The following CA11 variants were observed in gnomAD, a reference collection of about 807,000 sequenced individuals.
CA11 encodes carbonic anhydrase 11 (inactive).
CA11 carries 20 observed loss-of-function variants against 39.3 expected under a neutral mutation model. That is an observed-to-expected ratio of 0.51 (90% CI 0.36 to 0.74). CA11 has a LOEUF of 0.74. Among genes scored for constraint, CA11 ranks in the 30% least tolerant of loss-of-function variants. CA11 has a pLI of 0.00. For synonymous variants in CA11, 166 were observed against 172.5 expected, an observed-to-expected ratio of 0.96 and a Z score of 0.29; for missense variants, 336 against 424.6, an observed-to-expected ratio of 0.79 and a Z score of 1.83.
chr19:48,645,452 G>A lies in CA11; in HGVS notation c.93C>T (p.Pro31=), dbSNP rs371325088. The A allele has an allele frequency of 1.9e-6, 3 of 1,602,520 alleles. No homozygotes were observed. Among genetic ancestry groups the A allele is most frequent in the Non-Finnish European group, 2.6e-6 (3 of 1,174,112 alleles). ...AAAHIGPAPD[P]EDWWSYKDNL... ...TATCCTTGTAGCTCCACCAGTCCTC[G>A]GGGTCAGGTGCTGGTCCGATGTGAG... Residue 31 remains proline (P), a synonymous_variant, in exon 2 of 9, where the codon CCC becomes CCT. Coordinates refer to ENST00000084798, the MANE Select transcript of CA11 (RefSeq NM_001217.5).
In CA11 at chr19:48,645,695, C is replaced by A. The variant is rs1378553808; in HGVS notation, c.-63G>T. 6.0e-6 allele frequency: 8 copies of A among 1,334,654 alleles called. No individual in the cohort carries two copies. The highest frequency in any genetic ancestry group is 8.0e-6 in the Non-Finnish European group (8 of 1,001,008). The allele number at this position is 1,334,654 out of a possible 1,614,324, so 82.7% of individuals were successfully genotyped here. The stretch of plus-strand genomic sequence containing the variant: ...TGCCCCCCTCTCTCAGCTCCTCTGT[C>A]CCCTCCTTCTGGGACCCTGTCCCTC... On this transcript the variant is annotated 5_prime_UTR_variant, in exon 1 of 9. Coordinates refer to ENST00000084798, the MANE Select transcript of CA11 (RefSeq NM_001217.5).
intron 3 of CA11, 49 bp from the exon 4 acceptor site, chr19:48,640,329 T>C: frequency 1.5e-6 from 2 of 1,357,522 alleles, no homozygotes; most frequent in Non-Finnish European, 1.0e-6. Flanking sequence ...ATCTTTTATC[T>C]CTCGTTTCCC....
chr19:48,642,126 G>GGA (rs2031106566), intron 3 of CA11, among the ~76,000 whole-genome samples: 1 of 152,192 alleles, frequency 6.6e-6, no homozygotes, highest in Non-Finnish European at 1.5e-5. Flanking sequence ...AGTGAACAGA[G>GGA]GAGAGAGAGG....
chr19:48,644,233 T>C (rs2031175193), intron 3 of CA11, among the ~76,000 whole-genome samples, 194 bp downstream of exon 3: 1 of 152,152 alleles, frequency 6.6e-6, no homozygotes, highest in African/African-American at 2.4e-5. Flanking sequence ...TCTGCAGAGA[T>C]GGGGAGACTA....
At position 48,645,861 on chromosome 19, in the gene CA11, C is replaced by A. The variant is rs1242167390; in HGVS notation, c.-229G>T. The A allele has an allele frequency of 3.8e-6, 2 of 527,146 alleles. No individual in the cohort carries two copies. Among genetic ancestry groups the A allele is most frequent in the South Asian group, 2.8e-5 (1 of 36,212 alleles). 32.7% of individuals were successfully genotyped at this position (527,146 alleles called of 1,614,324 possible). ...CTGTGTCTTTCCTCTTTCCTCTGCTCTTTTCCCGGAACCCTCCAGTCTCCC... is the reference window on the plus strand; with the variant it reads ...CTGTGTCTTTCCTCTTTCCTCTGCTATTTTCCCGGAACCCTCCAGTCTCCC... On this transcript the variant is annotated 5_prime_UTR_variant, in exon 1 of 9. Transcript: ENST00000084798.
intron 7 of CA11, 85 bp downstream of exon 7, chr19:48,639,220 G>A (rs1291717377): frequency 1.3e-6 from 2 of 1,562,754 alleles, no homozygotes; most frequent in African/African-American, 1.4e-5. Context: ...TCTATGAGGA[G>A]AGGGAGGGCA....
At chr19:48,645,309 T>C in intron 2 of CA11, 94 bp downstream of exon 2, 1 of 1,124,694 alleles carries the variant, frequency 8.9e-7, no homozygotes, top group Non-Finnish European at 1.3e-6. Flanking sequence ...CTCCTGGTCC[T>C]GGGGGGGAGG....
At position 48,644,502 on chromosome 19, in the gene CA11, G is replaced by C; in HGVS notation, c.210C>G (p.Pro70=). ...SLCAVGKRQS[P]VDVELKRVLY... is the part of the protein sequence containing the mutation. ...GAACCCTCTTCAGCTCCACATCCAC[G>C]GGGCTCTGCCGCTTCCCCACAGCAC... The change falls in exon 3 of 9, where the codon CCC becomes CCG. Residue 70 remains proline, a synonymous_variant. Coordinates refer to ENST00000084798, the MANE Select transcript of CA11 (RefSeq NM_001217.5). 6.2e-7 allele frequency: 1 copy of C among 1,611,770 alleles called. No individual in the cohort carries two copies. Among genetic ancestry groups the C allele is most frequent in the East Asian group, 2.2e-5 (1 of 44,844 alleles).
At position 48,645,389 on chromosome 19, in the gene CA11, C is replaced by T. The variant is rs116709645; in HGVS notation, c.142+14G>A. On this transcript the variant is annotated intron_variant, in intron 2 of 8. Transcript: ENST00000084798. ...CGGGAGGGCCGGACTCCTGGGTCCCCGCCTTGGCGGCACCTGGCACGAAGT... is the reference window on the plus strand; with the variant it reads ...CGGGAGGGCCGGACTCCTGGGTCCCTGCCTTGGCGGCACCTGGCACGAAGT... 3.6e-4 allele frequency: 561 copies of T among 1,569,398 alleles called. 1 individual carries two copies. In the African/African-American group the frequency reaches 6.6e-3, roughly 18 times the overall value.
Position 48,640,333 on chromosome 19 carries a change from G to A in CA11, c.286-53C>T, listed in dbSNP as rs2031030422. ...GGCAGGGAGAGATCTTTTATCTCTC[G>A]TTTCCCACGCCTACATTTTCTGATT... On this transcript the variant is annotated intron_variant, in intron 3 of 8. Transcript: ENST00000084798. The A allele has an allele frequency of 5.9e-6, 7 of 1,183,074 alleles. 1 individual carries two copies. The highest frequency in any genetic ancestry group is 1.6e-5 in the African/African-American group (1 of 61,838). 73.3% of individuals were successfully genotyped at this position (1,183,074 alleles called of 1,614,324 possible). A position where few individuals can be genotyped will look rare whatever the true frequency, so the allele number is the denominator to read the frequency against.
At chr19:48,644,389 C>T (rs2031181499) in intron 3 of CA11, 38 bp downstream of exon 3, 2 of 1,519,946 alleles carry the variant, frequency 1.3e-6, no homozygotes, top group East Asian at 2.3e-5. Context: ...ATGCCCATCC[C>T]CAGTGGGTTC....
In CA11 at chr19:48,639,782, G is replaced by A. The variant is rs755006103; in HGVS notation, c.567+6C>T. On this transcript the variant is annotated splice_donor_region_variant and intron_variant, in intron 5 of 8. Coordinates refer to ENST00000084798, the MANE Select transcript of CA11 (RefSeq NM_001217.5). ...CTCCCTCCCTCTGAATCTCGCCTCCGCTCACGTTGACAAAGAGGCTGAGAA... is the reference window on the plus strand; with the variant it reads ...CTCCCTCCCTCTGAATCTCGCCTCCACTCACGTTGACAAAGAGGCTGAGAA... 5.0e-6 allele frequency: 8 copies of A among 1,613,084 alleles called. No individual in the cohort carries two copies. The highest frequency in any genetic ancestry group is 1.1e-5 in the South Asian group (1 of 91,040).
At chr19:48,638,322 G>A (rs1422052446) in intron 8 of CA11, 178 bp from the exon 9 acceptor site, 1 of 1,031,460 alleles carries the variant, frequency 9.7e-7, no homozygotes, top group Non-Finnish European at 1.2e-6. Context: ...ATAGGAGGGG[G>A]GAATCGGGAC....
rs1172725648 is a variant in CA11, at chr19:48,639,338, G to C, written c.762C>G (p.Leu254=). 5.6e-6 allele frequency: 9 copies of C among 1,613,738 alleles called. No individual in the cohort carries two copies. The highest frequency in any genetic ancestry group is 7.6e-6 in the Non-Finnish European group (9 of 1,179,944). The change falls in exon 7 of 9, where the codon CTC becomes CTG. Residue 254 remains leucine, a synonymous_variant. Coordinates refer to ENST00000084798, the MANE Select transcript of CA11 (RefSeq NM_001217.5). ...PPCSETVTWI[L]IDRALNITSL... is the part of the protein sequence containing the mutation. The stretch of plus-strand genomic sequence containing the variant: ...AGGTGATATTGAGGGCCCGGTCAAT[G>C]AGGATCCAGGTGACAGTCTCGGAGC...
chr19:48,638,158 A>C lies in CA11; in HGVS notation c.962-14T>G. On this transcript the variant is annotated splice_polypyrimidine_tract_variant and intron_variant, in intron 8 of 8. Coordinates refer to ENST00000084798, the MANE Select transcript of CA11 (RefSeq NM_001217.5). ...GGACACCATCCACTGTAAGACAGAGAACAACGGCAGGGGGCGTCAGTATAG... is the reference window on the plus strand; with the variant it reads ...GGACACCATCCACTGTAAGACAGAGCACAACGGCAGGGGGCGTCAGTATAG... 1 of 1,334,952 alleles carries C rather than the reference A, an allele frequency of 7.5e-7. No homozygotes were observed. Among genetic ancestry groups the C allele is most frequent in the Middle Eastern group, 2.0e-4 (1 of 5,050 alleles). The allele number at this position is 1,334,952 out of a possible 1,614,324, so 82.7% of individuals were successfully genotyped here.
In CA11 at chr19:48,640,364, AG is replaced by A; in HGVS notation, c.286-85del. On this transcript the variant is annotated intron_variant, in intron 3 of 8. Transcript: ENST00000084798. ...CACGCCTACATTTTCTGATTCCAAC[AG>A]TCTTTTTTTTTTTTTTTTTTTTTTT... 8.9e-6 allele frequency: 6 copies of A among 677,488 alleles called. No homozygotes were observed. The Admixed American group carries it at 1.9e-4, about 22-fold the overall frequency. The allele number at this position is 677,488 out of a possible 1,614,324, so 42.0% of individuals were successfully genotyped here. A position where few individuals can be genotyped will look rare whatever the true frequency, so the allele number is the denominator to read the frequency against.
chr19:48,641,781 A>C (rs1212928575), intron 3 of CA11, among the ~76,000 whole-genome samples: 1 of 149,698 alleles, frequency 6.7e-6, no homozygotes, highest in Non-Finnish European at 1.5e-5. Flanking sequence ...AGTAGCTGGG[A>C]CCACAGTCAC....
intron 8 of CA11, 27 bp from the exon 9 acceptor site, chr19:48,638,171 G>T (rs1402938036): frequency 1.5e-6 from 2 of 1,322,564 alleles, no homozygotes; most frequent in African/African-American, 3.1e-5. Flanking sequence ...AACGGCAGGG[G>T]GCGTCAGTAT....
At chr19:48,638,310 C>T (rs1337411630) in intron 8 of CA11, 166 bp from the exon 9 acceptor site, 1 of 1,151,214 alleles carries the variant, frequency 8.7e-7, no homozygotes. Flanking sequence ...CACAAGAAGC[C>T]AATAGGAGGG....
Sources: gnomAD v4.1 joint callset for allele counts (sites outside exome capture counted in the v4.1 genomes callset) on GRCh38, gnomAD v4.1.1 for gene constraint, MANE v1.5 for transcripts, NCBI Gene and HGNC (gene_info 2026-07-23, HGNC 2026-07-21) for gene names.